Variants in CNTNAP2 observed in about 807,000 individuals in gnomAD.
CNTNAP2 encodes the protein contactin associated protein 2.
Under a neutral mutation model 155.2 loss-of-function variants are expected in CNTNAP2, and 98 were observed. The observed-to-expected ratio is 0.63, with a 90% CI of 0.54 to 0.75. CNTNAP2 has a LOEUF of 0.75. Among genes scored for constraint, CNTNAP2 ranks in the 30% least tolerant of loss-of-function variants. CNTNAP2 has a pLI of 0.00. For missense variants in CNTNAP2, 1,727 were observed against 1,688.1 expected, an observed-to-expected ratio of 1.02 and a Z score of -0.40; for synonymous variants, 651 against 631.2, an observed-to-expected ratio of 1.03 and a Z score of -0.47.
intron 18 of CNTNAP2, among the ~76,000 whole-genome samples, chr7:148,214,770 C>T (rs1795607855): frequency 6.6e-6 from 1 of 152,108 alleles, no homozygotes; most frequent in Non-Finnish European, 1.5e-5. Context: ...GGGGTTTCAC[C>T]GTGTTGGCCA....
chr7:146,452,457 A>C (rs1383969165), intron 1 of CNTNAP2, among the ~76,000 whole-genome samples: 2 of 152,190 alleles, frequency 1.3e-5, no homozygotes, highest in Non-Finnish European at 2.9e-5. Flanking sequence ...CTTCTTTAAA[A>C]CACTGTACAT....
At chr7:148,267,609 C>T (rs753660935) in intron 21 of CNTNAP2, among the ~76,000 whole-genome samples, 5 of 145,020 alleles carry the variant, frequency 3.4e-5, no homozygotes, top group East Asian at 2.1e-4. Context: ...GAGCCAAGAT[C>T]GTGCCACCAC....
intron 10 of CNTNAP2, among the ~76,000 whole-genome samples, chr7:147,408,419 C>T (rs1239355051): frequency 6.6e-6 from 1 of 152,116 alleles, no homozygotes; most frequent in Non-Finnish European, 1.5e-5. Context: ...CTGGCAGCTA[C>T]TAGTGAGGGA....
intron 1 of CNTNAP2, among the ~76,000 whole-genome samples, chr7:146,153,424 G>A (rs1798080273): frequency 6.6e-6 from 1 of 152,130 alleles, no homozygotes; most frequent in Admixed American, 6.6e-5. Context: ...AAGTCTGACT[G>A]TATTGTTGTT....
chr7:147,556,587 C>A (rs746220348), intron 11 of CNTNAP2, among the ~76,000 whole-genome samples: 1 of 152,094 alleles, frequency 6.6e-6, no homozygotes, highest in Admixed American at 6.5e-5. Flanking sequence ...GAGGGAAATT[C>A]CACCTAATTC....
intron 2 of CNTNAP2, among the ~76,000 whole-genome samples, chr7:146,805,957 G>T (rs1040606750): frequency 1.5e-4 from 23 of 152,052 alleles, no homozygotes; most frequent in Admixed American, 6.6e-5. Flanking sequence ...ACAGTTTGAG[G>T]TTCTGTTAAG....
intron 3 of CNTNAP2, among the ~76,000 whole-genome samples, chr7:146,928,552 T>C (rs1281836041): frequency 6.6e-6 from 1 of 152,130 alleles, no homozygotes; most frequent in Non-Finnish European, 1.5e-5. Context: ...AGGTACCAGG[T>C]TCATCTCACT....
intron 1 of CNTNAP2, among the ~76,000 whole-genome samples, chr7:146,451,071 C>T (rs113932354): frequency 6.6e-6 from 1 of 151,932 alleles, no homozygotes; most frequent in Non-Finnish European, 1.5e-5. Context: ...CTCAGCCTCC[C>T]GAGTAGCTGG....
chr7:148,219,758 C>T (rs1053327183), intron 19 of CNTNAP2, among the ~76,000 whole-genome samples: 1 of 151,844 alleles, frequency 6.6e-6, no homozygotes, highest in African/African-American at 2.4e-5. Flanking sequence ...CGCTGGAGCC[C>T]AGAAGTTGCT....
chr7:147,246,453 G>T (rs1055435190), intron 8 of CNTNAP2, among the ~76,000 whole-genome samples: 3 of 152,182 alleles, frequency 2.0e-5, no homozygotes, highest in Non-Finnish European at 2.9e-5. Context: ...AGTCCAAGCT[G>T]CTGGCAGATT....
intron 1 of CNTNAP2, among the ~76,000 whole-genome samples, chr7:146,191,527 G>A (rs1302499497): frequency 6.6e-6 from 1 of 152,060 alleles, no homozygotes; most frequent in Non-Finnish European, 1.5e-5. Context: ...AAATTTGCTA[G>A]GCAGGAATTT....
chr7:148,086,595 T>C (rs1289002951), intron 15 of CNTNAP2, among the ~76,000 whole-genome samples: 2 of 152,258 alleles, frequency 1.3e-5, no homozygotes. Context: ...ATATAGTGAA[T>C]GTGACCCTTG....
rs1051106203 is a variant in CNTNAP2, at chr7:147,001,465, T to C, written c.403-42442T>C. ...ATTTATTCAAGGTAATAAATATTGG[T>C]TTAAAGAAATTACCATAGATCTTAA... On this transcript the variant is annotated intron_variant, in intron 3 of 23. Transcript: ENST00000361727. Among the ~76,000 whole-genome samples, 8 of 152,180 alleles carry C rather than the reference T, an allele frequency of 5.3e-5. No individual in the cohort carries two copies. In the East Asian group the frequency reaches 1.5e-3, roughly 29 times the overall value.
At chr7:146,922,153 C>A (rs1367510977) in intron 3 of CNTNAP2, among the ~76,000 whole-genome samples, 1 of 151,142 alleles carries the variant, frequency 6.6e-6, no homozygotes, top group Non-Finnish European at 1.5e-5. Flanking sequence ...ATATATAAAA[C>A]AATTGTCTGT....
intron 1 of CNTNAP2, among the ~76,000 whole-genome samples, chr7:146,642,844 T>C (rs1799735683): frequency 2.0e-5 from 3 of 151,990 alleles, no homozygotes; most frequent in Admixed American, 6.6e-5. Context: ...TTTTAATGAT[T>C]GCCATTCTAA....
intron 1 of CNTNAP2, among the ~76,000 whole-genome samples, chr7:146,191,403 G>A (rs924849119): frequency 5.9e-5 from 9 of 152,286 alleles, no homozygotes; most frequent in South Asian, 2.1e-4. Flanking sequence ...GGGACAGAGC[G>A]AGATCAGAGG....
At position 147,654,808 on chromosome 7, in the gene CNTNAP2, C is replaced by CTTTTTTTTTTTT. The variant is rs1186575442; in HGVS notation, c.2098+15514_2098+15525dup. ...AGCTATAGCCTAGCAAAATATATTT[C>CTTTTTTTTTTTT]TTTTTTTTTTTTTTTTTTTTTTTGA... On this transcript the variant is annotated intron_variant, in intron 13 of 23. Coordinates refer to ENST00000361727, the MANE Select transcript of CNTNAP2 (RefSeq NM_014141.6). 2.5e-4 allele frequency among the ~76,000 whole-genome samples: 24 copies of CTTTTTTTTTTTT among 97,310 alleles called. 1 individual carries two copies. Among genetic ancestry groups the CTTTTTTTTTTTT allele is most frequent in the African/African-American group, 4.0e-4 (9 of 22,508 alleles). 63.8% of individuals were successfully genotyped at this position (97,310 alleles called of 152,430 possible). A position where few individuals can be genotyped will look rare whatever the true frequency, so the allele number is the denominator to read the frequency against.
At chr7:148,248,544 A>T (rs576114176) in intron 20 of CNTNAP2, among the ~76,000 whole-genome samples, 1 of 152,194 alleles carries the variant, frequency 6.6e-6, no homozygotes, top group Admixed American at 6.5e-5. Flanking sequence ...TTCATTCTGC[A>T]TAATGATTCT....
intron 1 of CNTNAP2, among the ~76,000 whole-genome samples, chr7:146,522,014 T>A (rs1302952976): frequency 6.6e-6 from 1 of 152,014 alleles, no homozygotes; most frequent in Non-Finnish European, 1.5e-5. Flanking sequence ...TCAGTCATTT[T>A]GCTTAATGGA....
Sources: allele counts gnomAD v4.1 joint callset (sites outside exome capture counted in the v4.1 genomes callset), GRCh38; gene constraint gnomAD v4.1.1; transcripts MANE v1.5; gene names NCBI Gene and HGNC (gene_info 2026-07-23, HGNC 2026-07-21).